The following CCDC192 variants were observed in gnomAD, a reference collection of about 807,000 sequenced individuals.
CCDC192 encodes coiled-coil domain containing 192.
chr5:127,784,206 A>C (rs1267496911), intron 3 of CCDC192, among the ~76,000 whole-genome samples: 2 of 152,234 alleles, frequency 1.3e-5, no homozygotes, highest in Admixed American at 1.3e-4. Flanking sequence ...ATTAAAAATG[A>C]AACACACTAA....
chr5:127,720,177 A>G (rs777152539), intron 2 of CCDC192, among the ~76,000 whole-genome samples: 1 of 152,328 alleles, frequency 6.6e-6, no homozygotes. Context: ...GCCTATGAGT[A>G]TGTAAAATCA....
chr5:127,929,677 G>A (rs1210552142), intron 6 of CCDC192, among the ~76,000 whole-genome samples: 1 of 152,170 alleles, frequency 6.6e-6, no homozygotes, highest in African/African-American at 2.4e-5. Flanking sequence ...ATTTTTTTCA[G>A]TCATTATCAA....
intron 5 of CCDC192, among the ~76,000 whole-genome samples, chr5:127,869,165 A>G (rs1220032010): frequency 6.6e-6 from 1 of 152,090 alleles, no homozygotes; most frequent in Admixed American, 6.5e-5. Context: ...TCTACTAAAA[A>G]TACAAAAAAT....
At position 127,715,722 on chromosome 5, in the gene CCDC192, C is replaced by A. The variant is rs79475715; in HGVS notation, c.114+7962C>A. Among the ~76,000 whole-genome samples the A allele has an allele frequency of 7.9e-3, 1,209 of 152,226 alleles. 63 individuals are homozygous for A. The East Asian group carries it at 0.16, about 21-fold the overall frequency. On this transcript the variant is annotated intron_variant, in intron 2 of 6. Coordinates refer to ENST00000514853, the MANE Select transcript of CCDC192 (RefSeq NM_001317938.2). ...ATATATGTCCATGAACATGAGAAAT[C>A]TTTCCATTTATTTGTGTACCCATTT...
At chr5:127,884,870 GTCCT>G (rs1347686428) in intron 6 of CCDC192, among the ~76,000 whole-genome samples, 1 of 151,852 alleles carries the variant, frequency 6.6e-6, no homozygotes, top group Non-Finnish European at 1.5e-5. Context: ...ACTTATTTAG[GTCCT>G]TCCTTTGCGA....
intron 2 of CCDC192, among the ~76,000 whole-genome samples, chr5:127,719,626 A>C (rs1056515070): frequency 3.4e-5 from 5 of 148,942 alleles, no homozygotes; most frequent in African/African-American, 1.2e-4. Context: ...CTATTTTTTG[A>C]GAAAACTCCT....
At chr5:127,747,288 G>A (rs35890477) in intron 2 of CCDC192, among the ~76,000 whole-genome samples, 8,842 of 151,362 alleles carry the variant, frequency 0.058, 575 homozygotes, top group East Asian at 0.27. Flanking sequence ...CCCAGAGTGT[G>A]ATGTTCCCCT....
intron 6 of CCDC192, among the ~76,000 whole-genome samples, chr5:127,909,198 C>T (rs1753278214): frequency 6.6e-6 from 1 of 152,096 alleles, no homozygotes; most frequent in Non-Finnish European, 1.5e-5. Flanking sequence ...GAGATACACA[C>T]CCAGGTGGGT....
At chr5:127,705,718 A>C (rs1259122129) in intron 1 of CCDC192, among the ~76,000 whole-genome samples, 2 of 152,054 alleles carry the variant, frequency 1.3e-5, no homozygotes, top group Non-Finnish European at 2.9e-5. Context: ...ACAAGCAGAG[A>C]AGAGAGTATG....
intron 5 of CCDC192, among the ~76,000 whole-genome samples, chr5:127,834,751 C>G (rs1479498007): frequency 6.6e-6 from 1 of 152,176 alleles, no homozygotes. Flanking sequence ...GTTAAACTCT[C>G]TAGCGAATAG....
chr5:127,784,263 C>G (rs1221976519), intron 3 of CCDC192, among the ~76,000 whole-genome samples: 1 of 152,182 alleles, frequency 6.6e-6, no homozygotes, highest in Non-Finnish European at 1.5e-5. Context: ...TTCAGACTTG[C>G]TCTCAAAGTG....
chr5:127,705,495 C>T (rs1188637380), intron 1 of CCDC192, among the ~76,000 whole-genome samples: 1 of 152,076 alleles, frequency 6.6e-6, no homozygotes, highest in Non-Finnish European at 1.5e-5. Flanking sequence ...GAAGCACAGT[C>T]CTTGTCCTCT....
At chr5:127,815,074 T>C (rs1247891690) in intron 5 of CCDC192, among the ~76,000 whole-genome samples, 1 of 152,156 alleles carries the variant, frequency 6.6e-6, no homozygotes, top group East Asian at 1.9e-4. Flanking sequence ...GCAATGACCA[T>C]GTGTAGCCTT....
At chr5:127,753,413 T>G (rs1754358825) in intron 2 of CCDC192, among the ~76,000 whole-genome samples, 1 of 152,156 alleles carries the variant, frequency 6.6e-6, no homozygotes, top group African/African-American at 2.4e-5. Context: ...AGAAACATTT[T>G]GAGTCCAGGC....
intron 5 of CCDC192, among the ~76,000 whole-genome samples, chr5:127,815,925 C>A (rs9327453): frequency 0.02 from 3,115 of 151,966 alleles, 114 homozygotes; most frequent in African/African-American, 0.072. Context: ...TGTCAAAATC[C>A]ATGACTGATT....
chr5:127,846,194 C>T (rs1354799166), intron 5 of CCDC192, among the ~76,000 whole-genome samples: 1 of 150,192 alleles, frequency 6.7e-6, no homozygotes, highest in African/African-American at 2.5e-5. Flanking sequence ...GAGGCTAAGG[C>T]AGAAGAATTC....
In CCDC192 at chr5:127,853,802, C is replaced by A. The variant is rs79335879; in HGVS notation, c.412-21736C>A. Among the ~76,000 whole-genome samples, 527 of 152,036 alleles carry A rather than the reference C, an allele frequency of 3.5e-3. 4 individuals carry two copies. The highest frequency in any genetic ancestry group is 0.012 in the African/African-American group (489 of 41,500). ...AGCAAACAAACAAACAAACAAAAAA[C>A]AAACAAAAAAAACATCTGGAGTGAG... On this transcript the variant is annotated intron_variant, in intron 5 of 6. Transcript: ENST00000514853.
intron 2 of CCDC192, among the ~76,000 whole-genome samples, chr5:127,735,457 C>A (rs1271548710): frequency 7.1e-6 from 1 of 141,064 alleles, no homozygotes; most frequent in African/African-American, 2.8e-5. Context: ...TTTTCCAATT[C>A]TTTGAAGAAA....
intron 5 of CCDC192, among the ~76,000 whole-genome samples, chr5:127,873,237 T>C (rs1751933840): frequency 2.0e-5 from 3 of 152,214 alleles, no homozygotes; most frequent in South Asian, 4.1e-4. Flanking sequence ...TCTGGAAAAA[T>C]ACATATCTGC....
Sources: gnomAD v4.1 joint callset for allele counts (sites outside exome capture counted in the v4.1 genomes callset) on GRCh38, gnomAD v4.1.1 for gene constraint, MANE v1.5 for transcripts, NCBI Gene and HGNC (gene_info 2026-07-23, HGNC 2026-07-21) for gene names.